The following DNAH6 variants were observed in gnomAD, a reference collection of about 807,000 sequenced individuals.
The protein encoded by DNAH6 is axonemal beta dynein heavy chain 6.
In DNAH6, 340 loss-of-function variants were observed where a neutral mutation model predicts 491.4. That is an observed-to-expected ratio of 0.69 (90% CI 0.63 to 0.76). The LOEUF is 0.76. Ranked by LOEUF, DNAH6 falls within the 30% of genes least tolerant of loss-of-function variation. The pLI, the probability that DNAH6 is intolerant of heterozygous loss-of-function variation, is 0.00. For synonymous variants in DNAH6, 1,603 were observed against 1,686.1 expected (o/e 0.95, Z 1.21); for missense variants, 4,443 against 4,972.2 (o/e 0.89, Z 3.20).
chr2:84,706,415 T>C (rs1011090853), intron 52 of DNAH6, among the ~76,000 whole-genome samples: 1 of 152,234 alleles, frequency 6.6e-6, no homozygotes, highest in South Asian at 2.1e-4. Context: ...TCATGAAATA[T>C]TATTCTTTTA....
chr2:84,720,519 C>T (rs1698030952), intron 59 of DNAH6, among the ~76,000 whole-genome samples: 1 of 151,796 alleles, frequency 6.6e-6, no homozygotes, highest in African/African-American at 2.4e-5. Context: ...ACCTCGTGAT[C>T]CGCCCGCCTC....
intron 63 of DNAH6, among the ~76,000 whole-genome samples, chr2:84,759,034 T>TA (rs1223383983): frequency 6.6e-6 from 1 of 152,130 alleles, no homozygotes; most frequent in East Asian, 1.9e-4. Context: ...TATAGTATGA[T>TA]ATATCCAAAA....
At chr2:84,589,240 G>A (rs984142634) in intron 16 of DNAH6, among the ~76,000 whole-genome samples, 1 of 152,148 alleles carries the variant, frequency 6.6e-6, no homozygotes, top group Non-Finnish European at 1.5e-5. Flanking sequence ...AATGTAAGTG[G>A]ATTTTTTAAT....
At position 84,762,480 on chromosome 2, in the gene DNAH6, G is replaced by A. The variant is rs545415871; in HGVS notation, c.10513-275G>A. On this transcript the variant is annotated intron_variant, in intron 63 of 76. Transcript: ENST00000389394. ...AAACAGGACAGAAGAAGCAAGGAAG[G>A]GGAGACAGCAGCTTCATAAATAGAG... Among the ~76,000 whole-genome samples the A allele has an allele frequency of 3.8e-4, 58 of 152,244 alleles. 2 individuals carry two copies. The highest frequency in any genetic ancestry group is 3.5e-3 in the Admixed American group (54 of 15,284).
intron 68 of DNAH6, 58 bp from the exon 69 acceptor site, chr2:84,796,248 G>A (rs1005321704): frequency 8.9e-6 from 10 of 1,127,032 alleles, no homozygotes; most frequent in Admixed American, 6.5e-5. Context: ...TTAAAATTAG[G>A]TATGCCTATC....
intron 9 of DNAH6, 53 bp from the exon 10 acceptor site, chr2:84,552,865 T>C: frequency 9.5e-7 from 1 of 1,048,314 alleles, no homozygotes; most frequent in South Asian, 1.7e-5. Context: ...TTTTATTTTG[T>C]TTTAGACCTT....
intron 30 of DNAH6, among the ~76,000 whole-genome samples, chr2:84,636,182 A>C (rs1029283800): frequency 6.6e-6 from 1 of 152,146 alleles, no homozygotes; most frequent in African/African-American, 2.4e-5. Context: ...ATGGGACAAA[A>C]TCTAAATTCC....
intron 71 of DNAH6, among the ~76,000 whole-genome samples, chr2:84,806,618 C>CA (rs1162301447): frequency 0.2 from 7,028 of 34,634 alleles, 539 homozygotes; most frequent in African/African-American, 0.25. Flanking sequence ...GACTCAGTCT[C>CA]AAAAAAAAAA....
At chr2:84,557,013 C>T (rs141795855) in intron 10 of DNAH6, among the ~76,000 whole-genome samples, 2 of 152,274 alleles carry the variant, frequency 1.3e-5, no homozygotes, top group Non-Finnish European at 2.9e-5. Context: ...CAGTGATTGT[C>T]CTTGCACATA....
rs780867934 is a variant in DNAH6 at position 84,685,393 on chromosome 2, G to A, written c.6984G>A (p.Glu2328=). The A allele has an allele frequency of 8.5e-6, 13 of 1,529,106 alleles. No homozygotes were observed. The highest frequency in any genetic ancestry group is 1.1e-5 in the Non-Finnish European group (13 of 1,132,126). 94.7% of individuals were successfully genotyped at this position (1,529,106 alleles called of 1,614,324 possible). Reference sequence around the variant, plus strand: ...AGATATTTAGACTCTTTTGCCATGAGTGCCAAAGGGTCTTCCATGATCGCT... The same window carrying A: ...AGATATTTAGACTCTTTTGCCATGAATGCCAAAGGGTCTTCCATGATCGCT... The part of the protein sequence containing the change: ...EIQIFRLFCH[E]CQRVFHDRLI... The change falls in exon 43 of 77, where the codon GAG becomes GAA. Residue 2328 remains glutamate, a synonymous_variant. Transcript: ENST00000389394.
rs930339508 is a variant in DNAH6, at chr2:84,707,597, C to T, written c.8929C>T (p.Arg2977Ter). The T allele has an allele frequency of 1.2e-5, 18 of 1,551,988 alleles. No homozygotes were observed. Among genetic ancestry groups the T allele is most frequent in the Non-Finnish European group, 1.4e-5 (16 of 1,147,090 alleles). Residue 2977 changes from arginine (R) to a stop codon, truncating the protein, a stop_gained, in exon 54 of 77, where the codon CGA (arginine) becomes TGA (stop). Transcript: ENST00000389394. LOFTEE classifies it high-confidence loss of function. ...LTAALEDEQV[R>*]WEESIQKFEE... ...AGCAGCATTAGAAGATGAGCAGGTT[C>T]GATGGGAAGAAAGCATACAGAAGTT...
upstream of DNAH6, among the ~76,000 whole-genome samples, chr2:84,511,535 C>A (rs1675329899): frequency 1.3e-5 from 2 of 152,144 alleles, no homozygotes; most frequent in South Asian, 2.1e-4. Context: ...TGAGGCGATG[C>A]CTCGCCCTGC....
Position 84,638,223 on chromosome 2 carries a change from A to G in DNAH6, c.4821+846A>G, listed in dbSNP as rs556118025. ...GAAACAGGGTCTCACTATGCTACCCAGGCTGGAACTAAATGGAGGTCAAGC... is the reference window on the plus strand; with the variant it reads ...GAAACAGGGTCTCACTATGCTACCCGGGCTGGAACTAAATGGAGGTCAAGC... On this transcript the variant is annotated intron_variant, in intron 31 of 76. Coordinates refer to ENST00000389394, the MANE Select transcript of DNAH6 (RefSeq NM_001370.2). 3.9e-5 allele frequency among the ~76,000 whole-genome samples: 6 copies of G among 152,266 alleles called. No homozygotes were observed. In the East Asian group the frequency reaches 1.2e-3, roughly 29 times the overall value.
At chr2:84,496,188 A>G in the DNAH6 span, among the ~76,000 whole-genome samples, 2 of 152,210 alleles carry the variant, frequency 1.3e-5, no homozygotes, top group Non-Finnish European at 2.9e-5. Context: ...ATCTTTCAGC[A>G]GTGCTCCTGA....
At chr2:84,559,025 T>A (rs892666383) in intron 11 of DNAH6, among the ~76,000 whole-genome samples, 3 of 152,214 alleles carry the variant, frequency 2.0e-5, no homozygotes, top group Non-Finnish European at 4.4e-5. Flanking sequence ...AGTGTTTCAA[T>A]CTCTTTATTT....
chr2:84,496,063 G>T, the DNAH6 span, among the ~76,000 whole-genome samples: 15 of 152,276 alleles, frequency 9.9e-5, no homozygotes, highest in Admixed American at 7.8e-4. Context: ...CACATCTCCT[G>T]CTTCAGAGAG....
chr2:84,609,580 T>C (rs72922710), intron 21 of DNAH6, among the ~76,000 whole-genome samples: 6,163 of 152,086 alleles, frequency 0.041, 404 homozygotes, highest in African/African-American at 0.14. Context: ...ATCAATTAAG[T>C]TTGCCATCTT....
intron 58 of DNAH6, among the ~76,000 whole-genome samples, chr2:84,715,971 A>G (rs1697492449): frequency 6.6e-6 from 1 of 152,050 alleles, no homozygotes; most frequent in Non-Finnish European, 1.5e-5. Flanking sequence ...GTTCCTAGAA[A>G]TGCACTGGTC....
At chr2:84,507,450 C>T in the DNAH6 span, among the ~76,000 whole-genome samples, 1 of 152,304 alleles carries the variant, frequency 6.6e-6, no homozygotes, top group South Asian at 2.1e-4. Flanking sequence ...TGCCTATCAG[C>T]TTAAGGAGAT....
Sources: allele counts gnomAD v4.1 joint callset (sites outside exome capture counted in the v4.1 genomes callset), GRCh38; gene constraint gnomAD v4.1.1; transcripts MANE v1.5; gene names NCBI Gene and HGNC (gene_info 2026-07-23, HGNC 2026-07-21).